The following HEPHL1 variants were observed in gnomAD, a reference collection of about 807,000 sequenced individuals.
HEPHL1 encodes ferroxidase HEPHL1.
A neutral mutation model predicts 122.0 loss-of-function variants in HEPHL1; 123 were observed. The ratio of observed to expected loss-of-function variants is 1.01; its 90% CI spans 0.87 to 1.17. The LOEUF is 1.17. Among genes scored for constraint, HEPHL1 ranks in the 50% most tolerant of loss-of-function variants. The pLI, the probability that HEPHL1 is intolerant of heterozygous loss-of-function variation, is 0.00. For synonymous variants in HEPHL1, 527 were observed against 508.9 expected, an observed-to-expected ratio of 1.04 and a Z score of -0.48; for missense variants, 1,452 against 1,430.5, an observed-to-expected ratio of 1.01 and a Z score of -0.24.
intron 9 of HEPHL1, among the ~76,000 whole-genome samples, chr11:94,081,617 C>G (rs1019904611): frequency 6.6e-6 from 1 of 152,112 alleles, no homozygotes; most frequent in African/African-American, 2.4e-5. Context: ...CTCAAGTTAA[C>G]ATAATTTAGC....
intron 12 of HEPHL1, among the ~76,000 whole-genome samples, chr11:94,089,455 G>A (rs1266314451): frequency 6.6e-6 from 1 of 152,180 alleles, no homozygotes; most frequent in East Asian, 1.9e-4. Context: ...CTCCGGGATC[G>A]GGGTAGGAAG....
chr11:94,110,339 A>C (rs1368752731), intron 17 of HEPHL1, among the ~76,000 whole-genome samples: 1 of 152,184 alleles, frequency 6.6e-6, no homozygotes, highest in Non-Finnish European at 1.5e-5. Context: ...AGAATCTTTC[A>C]TGAGGAGGCA....
At position 94,092,570 on chromosome 11, in the gene HEPHL1, G is replaced by C. The variant is rs527788807; in HGVS notation, c.2295-931G>C. ...TTTTGCACTTGTGTGCTTTATGTTGGTGCTTTCACTGTTTAAAATGCCCCC... is the reference window on the plus strand; with the variant it reads ...TTTTGCACTTGTGTGCTTTATGTTGCTGCTTTCACTGTTTAAAATGCCCCC... On this transcript the variant is annotated intron_variant, in intron 12 of 19. Transcript: ENST00000315765. 7.6e-4 allele frequency among the ~76,000 whole-genome samples: 115 copies of C among 152,174 alleles called. 1 individual carries two copies. Among genetic ancestry groups the C allele is most frequent in the African/African-American group, 2.7e-3 (113 of 41,504 alleles).
Position 94,104,621 on chromosome 11 carries a change from G to A in HEPHL1, c.2776G>A (p.Ala926Thr), listed in dbSNP as rs1402879912. 3.1e-6 allele frequency: 5 copies of A among 1,613,604 alleles called. No homozygotes were observed. The highest frequency in any genetic ancestry group is 1.3e-5 in the African/African-American group (1 of 74,902). The change falls in exon 16 of 20, where the codon GCT becomes ACT. Residue 926 changes from alanine (A) to threonine (T), a missense_variant. Coordinates refer to ENST00000315765, the MANE Select transcript of HEPHL1 (RefSeq NM_001098672.2). ...AAGAAGTGACGTTGATTATGAATTT[G>A]CTCTCTTGTTTTTGGTATTTAATGA... is the stretch of plus-strand genomic sequence containing the variant. ...GRRSDVDYEF[A>T]LLFLVFNENE...
intron 15 of HEPHL1, among the ~76,000 whole-genome samples, chr11:94,104,048 C>G (rs575009930): frequency 5.3e-5 from 8 of 152,266 alleles, no homozygotes; most frequent in African/African-American, 1.7e-4. Flanking sequence ...AGCTCTGAAT[C>G]TGGTGAATTC....
At chr11:94,093,971 G>GATAGATAGAGATATATAT (rs71036310) in intron 13 of HEPHL1, among the ~76,000 whole-genome samples, 1 of 72,746 alleles carries the variant, frequency 1.4e-5, no homozygotes, top group African/African-American at 4.9e-5. Context: ...TCCTCCAGCA[G>GATAGATAGAGATATATAT]ATATATATAT....
At position 94,104,686 on chromosome 11, in the gene HEPHL1, T is replaced by G. The variant is rs760727113; in HGVS notation, c.2841T>G (p.Tyr947Ter). The change falls in exon 16 of 20, where the codon TAT becomes TAG. Residue 947 changes from tyrosine (Y) to a stop codon, truncating the protein, a stop_gained. Transcript: ENST00000315765. LOFTEE classifies it high-confidence loss of function. ...ATCTGGATGACAATATTAAGAAGTA[T>G]CTCAACAAAGATCCACGAGATTTTA... ...SWYLDDNIKK[Y>*]LNKDPRDFKR... 2 of 1,613,920 alleles carry G rather than the reference T, an allele frequency of 1.2e-6. No individual in the cohort carries two copies. The highest frequency in any genetic ancestry group is 3.3e-5 in the Admixed American group (2 of 60,012).
chr11:94,037,537 G>C (rs1373824342), intron 1 of HEPHL1, among the ~76,000 whole-genome samples: 1 of 152,134 alleles, frequency 6.6e-6, no homozygotes, highest in Non-Finnish European at 1.5e-5. Context: ...CGGGCAGACT[G>C]CCTCCTCAAG....
At chr11:94,042,882 A>AAAAAAAAAAAAAAAAAAAAAAAAC (rs1449884226) in intron 1 of HEPHL1, among the ~76,000 whole-genome samples, 1 of 136,892 alleles carries the variant, frequency 7.3e-6, no homozygotes, top group African/African-American at 2.8e-5. Context: ...TAATAAAAAA[A>AAAAAAAAAAAAAAAAAAAAAAAAC]AAAAAAAAAA....
intron 10 of HEPHL1, among the ~76,000 whole-genome samples, chr11:94,084,741 A>G (rs1946202078): frequency 2.6e-5 from 4 of 152,318 alleles, no homozygotes; most frequent in African/African-American, 7.2e-5. Context: ...CATTTGATGG[A>G]CAAGATTTAG....
At chr11:94,078,348 C>G (rs1235813319) in intron 9 of HEPHL1, among the ~76,000 whole-genome samples, 4 of 150,510 alleles carry the variant, frequency 2.7e-5, no homozygotes, top group Non-Finnish European at 5.9e-5. Flanking sequence ...AGACCTCTCA[C>G]CTTTCTTCCC....
chr11:94,095,647 A>G (rs1446890092), intron 13 of HEPHL1, among the ~76,000 whole-genome samples: 2 of 152,114 alleles, frequency 1.3e-5, no homozygotes, highest in African/African-American at 2.4e-5. Flanking sequence ...GATTCTTCCT[A>G]TCCATGAGCA....
chr11:94,104,478 T>C (rs1946393065), intron 15 of HEPHL1, 50 bp from the exon 16 acceptor site: 1 of 1,278,750 alleles, frequency 7.8e-7, no homozygotes, highest in South Asian at 1.3e-5. Context: ...GAATGAAATA[T>C]TATTAAATTA....
intron 1 of HEPHL1, among the ~76,000 whole-genome samples, chr11:94,031,118 C>T (rs1945670865): frequency 6.6e-6 from 1 of 151,270 alleles, no homozygotes; most frequent in African/African-American, 2.4e-5. Flanking sequence ...CTTTTTTTTT[C>T]AATAAAACGT....
At position 94,048,500 on chromosome 11, in the gene HEPHL1, C is replaced by T. The variant is rs545194489; in HGVS notation, c.415+2583C>T. On this transcript the variant is annotated intron_variant, in intron 2 of 19. Coordinates refer to ENST00000315765, the MANE Select transcript of HEPHL1 (RefSeq NM_001098672.2). Reference sequence around the variant, plus strand: ...TCACCCTCCCAAGTAGCTGGGACCACAGGCATCTGCCACTACACCTGGCTA... The same window carrying T: ...TCACCCTCCCAAGTAGCTGGGACCATAGGCATCTGCCACTACACCTGGCTA... Among the ~76,000 whole-genome samples, 260 of 152,226 alleles carry T rather than the reference C, an allele frequency of 1.7e-3. 1 individual carries two copies. The highest frequency in any genetic ancestry group is 3.4e-3 in the Middle Eastern group (1 of 294).
intron 1 of HEPHL1, among the ~76,000 whole-genome samples, chr11:94,042,548 C>T (rs61906133): frequency 2.0e-5 from 3 of 150,704 alleles, no homozygotes; most frequent in African/African-American, 7.4e-5. Flanking sequence ...TGCAGCCATA[C>T]AAAATGATGA....
intron 2 of HEPHL1, among the ~76,000 whole-genome samples, chr11:94,063,131 T>C (rs1946000126): frequency 6.6e-6 from 1 of 152,184 alleles, no homozygotes; most frequent in Non-Finnish European, 1.5e-5. Flanking sequence ...TTATTCATTA[T>C]TTCTTCTTAG....
intron 2 of HEPHL1, among the ~76,000 whole-genome samples, chr11:94,060,003 A>G (rs1372701445): frequency 6.6e-6 from 1 of 151,482 alleles, no homozygotes; most frequent in Non-Finnish European, 1.5e-5. Flanking sequence ...AAATCTCTCC[A>G]TATAGAAAAG....
chr11:94,078,379 A>G (rs1416747072), intron 9 of HEPHL1, among the ~76,000 whole-genome samples: 1 of 149,302 alleles, frequency 6.7e-6, no homozygotes, highest in African/African-American at 2.5e-5. Context: ...GGAGCCTACT[A>G]TGTACTAACA....
Sources: allele counts gnomAD v4.1 joint callset (sites outside exome capture counted in the v4.1 genomes callset), GRCh38; gene constraint gnomAD v4.1.1; transcripts MANE v1.5; gene names NCBI Gene and HGNC (gene_info 2026-07-23, HGNC 2026-07-21).